The following TNR variants were observed in gnomAD, a reference collection of about 807,000 sequenced individuals.
TNR encodes tenascin R.
Under a neutral mutation model 150.4 loss-of-function variants are expected in TNR, and 45 were observed. The ratio of observed to expected loss-of-function variants is 0.30; its 90% CI spans 0.24 to 0.38. TNR has a LOEUF of 0.38. Among genes scored for constraint, TNR ranks in the 10% least tolerant of loss-of-function variants. The pLI is 1.00. For missense variants in TNR, 1,544 were observed against 1,759.1 expected, an observed-to-expected ratio of 0.88 and a Z score of 2.19; for synonymous variants, 687 against 678.4, an observed-to-expected ratio of 1.01 and a Z score of -0.20.
At chr1:175,502,365 T>C (rs958168224) in intron 2 of TNR, among the ~76,000 whole-genome samples, 2 of 152,182 alleles carry the variant, frequency 1.3e-5, no homozygotes, top group Non-Finnish European at 2.9e-5. Flanking sequence ...TTGAAAATCA[T>C]AGCTGTGGCC....
At chr1:175,664,519 C>T (rs1018198481) in intron 1 of TNR, among the ~76,000 whole-genome samples, 9 of 152,212 alleles carry the variant, frequency 5.9e-5, no homozygotes, top group Non-Finnish European at 1.2e-4. Context: ...CAGGGCAGAA[C>T]TCTAACATGT....
intron 1 of TNR, among the ~76,000 whole-genome samples, chr1:175,645,851 A>T (rs1664796978): frequency 6.6e-6 from 1 of 152,230 alleles, no homozygotes; most frequent in Admixed American, 6.5e-5. Flanking sequence ...TTTAATACTG[A>T]ATACTGTCAA....
chr1:175,711,387 A>G (rs1165462088), intron 1 of TNR, among the ~76,000 whole-genome samples: 1 of 152,164 alleles, frequency 6.6e-6, no homozygotes, highest in Non-Finnish European at 1.5e-5. Flanking sequence ...TGCCACATTC[A>G]AGGAACAGGA....
chr1:175,416,295 A>G (rs893331459), intron 2 of TNR, among the ~76,000 whole-genome samples: 1 of 152,214 alleles, frequency 6.6e-6, no homozygotes, highest in Non-Finnish European at 1.5e-5. Context: ...ACACACAGTA[A>G]GTTAGAGCCA....
At chr1:175,485,302 C>T (rs1258060116) in intron 2 of TNR, among the ~76,000 whole-genome samples, 1 of 152,156 alleles carries the variant, frequency 6.6e-6, no homozygotes. Flanking sequence ...GAAGTTTCCC[C>T]CAAACTGTAA....
In TNR at chr1:175,337,662, G is replaced by A. The variant is rs766548103; in HGVS notation, c.3400C>T (p.His1134Tyr). Residue 1134 changes from histidine (H) to tyrosine (Y), a missense_variant, in exon 19 of 23, where the codon CAT becomes TAT. Physicochemically the swap from His to Tyr is moderately conservative, Grantham distance 83 (BLOSUM62 2). Transcript: ENST00000367674. ...AAATGCTGGGCACAGTCTTGGGGAT[G>A]AGGGAACACCCGGCCTCCTGCAAGG... Reference protein sequence around the residue: ...AFTTGGRVFPHPQDCAQHLMN... With the variant: ...AFTTGGRVFPYPQDCAQHLMN... 2 of 1,614,210 alleles carry A rather than the reference G, an allele frequency of 1.2e-6. No individual in the cohort carries two copies. Among genetic ancestry groups the A allele is most frequent in the South Asian group, 1.1e-5 (1 of 91,080 alleles).
At chr1:175,674,295 G>A (rs577894514) in intron 1 of TNR, among the ~76,000 whole-genome samples, 1 of 152,298 alleles carries the variant, frequency 6.6e-6, no homozygotes, top group East Asian at 1.9e-4. Flanking sequence ...CCATGAGATA[G>A]CTCCCCTCCT....
At chr1:175,536,374 A>G (rs1660284069) in intron 1 of TNR, among the ~76,000 whole-genome samples, 1 of 152,202 alleles carries the variant, frequency 6.6e-6, no homozygotes, top group African/African-American at 2.4e-5. Context: ...GGACATTGCC[A>G]TGGCTAGGGC....
Position 175,317,679 on chromosome 1 carries a change from T to C in TNR, c.*5678A>G, listed in dbSNP as rs991770141. 4 of 152,268 alleles carry C rather than the reference T, an allele frequency of 2.6e-5. No individual in the cohort carries two copies. Among genetic ancestry groups the C allele is most frequent in the Non-Finnish European group, 5.9e-5 (4 of 68,068 alleles). The allele number at this position is 152,268 out of a possible 1,614,324, so 9.4% of individuals were successfully genotyped here. On this transcript the variant is annotated 3_prime_UTR_variant, in exon 23 of 23. Coordinates refer to ENST00000367674, the MANE Select transcript of TNR (RefSeq NM_003285.3). ...TGAATCCATGGTGCCAGTGAGTGAG[T>C]GCCAGTACCCAGGAGAGCTGGCCTC...
At chr1:175,345,176 A>T (rs989203171) in intron 18 of TNR, among the ~76,000 whole-genome samples, 6 of 152,144 alleles carry the variant, frequency 3.9e-5, no homozygotes, top group Admixed American at 2.6e-4. Context: ...CCAAAAAAAG[A>T]GAGAGGAAGG....
At chr1:175,687,508 A>T (rs1423594385) in intron 1 of TNR, among the ~76,000 whole-genome samples, 1 of 152,150 alleles carries the variant, frequency 6.6e-6, no homozygotes, top group Non-Finnish European at 1.5e-5. Flanking sequence ...ACAAAGCAAC[A>T]TGTTCTGTCC....
At chr1:175,461,806 C>T (rs936645699) in intron 2 of TNR, among the ~76,000 whole-genome samples, 3 of 152,168 alleles carry the variant, frequency 2.0e-5, no homozygotes, top group Non-Finnish European at 4.4e-5. Context: ...TTTCTTCTCA[C>T]ATGTCCTGGG....
intron 2 of TNR, among the ~76,000 whole-genome samples, chr1:175,507,846 C>G (rs1659021719): frequency 2.0e-5 from 3 of 152,200 alleles, no homozygotes; most frequent in Non-Finnish European, 4.4e-5. Context: ...TTTTGTATCT[C>G]CAGCATCTAG....
At chr1:175,568,702 C>T (rs1285287064) in intron 1 of TNR, among the ~76,000 whole-genome samples, 1 of 152,198 alleles carries the variant, frequency 6.6e-6, no homozygotes, top group Non-Finnish European at 1.5e-5. Context: ...ACGGTTTCTA[C>T]TGCAAGGCAC....
At chr1:175,369,349 G>T (rs1651985317) in intron 9 of TNR, among the ~76,000 whole-genome samples, 2 of 152,154 alleles carry the variant, frequency 1.3e-5, no homozygotes, top group East Asian at 1.9e-4. Flanking sequence ...GGCTCTAGGA[G>T]ACCTAGGTTC....
intron 1 of TNR, among the ~76,000 whole-genome samples, chr1:175,712,736 G>A (rs1353596249): frequency 1.3e-5 from 2 of 152,056 alleles, no homozygotes; most frequent in Admixed American, 1.3e-4. Flanking sequence ...CATGTAAAGT[G>A]CTTGCTCCCC....
At position 175,383,787 on chromosome 1, in the gene TNR, C is replaced by G. The variant is rs78510450; in HGVS notation, c.1777+2245G>C. 8.4e-3 allele frequency among the ~76,000 whole-genome samples: 1,279 copies of G among 152,314 alleles called. 6 individuals carry two copies. The highest frequency in any genetic ancestry group is 0.02 in the Middle Eastern group (6 of 294). ...CTCTCATCATTTAACTGGCACCTGC[C>G]AACCCAGGCCTGGAGAATCTGTCTG... On this transcript the variant is annotated intron_variant, in intron 8 of 22. Transcript: ENST00000367674.
At chr1:175,350,659 C>T (rs1441374144) in intron 18 of TNR, among the ~76,000 whole-genome samples, 1 of 152,164 alleles carries the variant, frequency 6.6e-6, no homozygotes, top group African/African-American at 2.4e-5. Context: ...TGTTATGTGG[C>T]AGAAACACAA....
intron 1 of TNR, among the ~76,000 whole-genome samples, chr1:175,709,715 T>C (rs1313203278): frequency 6.6e-6 from 1 of 152,154 alleles, no homozygotes; most frequent in Non-Finnish European, 1.5e-5. Flanking sequence ...TTGCTTTCTG[T>C]TCCCATGCCA....
Sources: allele counts gnomAD v4.1 joint callset (sites outside exome capture counted in the v4.1 genomes callset), GRCh38; gene constraint gnomAD v4.1.1; transcripts MANE v1.5; gene names NCBI Gene and HGNC (gene_info 2026-07-23, HGNC 2026-07-21).